APBB2: variants seen among roughly 807,000 people sequenced by gnomAD.
APBB2 encodes the protein Fe65-like 1.
In APBB2, 38 loss-of-function variants were observed where a neutral mutation model predicts 82.5. The observed-to-expected ratio is 0.46, with a 90% CI of 0.36 to 0.60. The LOEUF is 0.60. Ranked by LOEUF, APBB2 falls within the 20% of genes least tolerant of loss-of-function variation. APBB2 has a pLI of 0.00. For missense variants in APBB2, 772 were observed against 972.3 expected, an observed-to-expected ratio of 0.79 and a Z score of 2.74; for synonymous variants, 341 against 368.2, an observed-to-expected ratio of 0.93 and a Z score of 0.85.
chr4:40,965,715 A>C (rs1424057353), intron 6 of APBB2, among the ~76,000 whole-genome samples: 1 of 152,154 alleles, frequency 6.6e-6, no homozygotes, highest in Non-Finnish European at 1.5e-5. Flanking sequence ...GATGTGGCTC[A>C]CATTGTATTT....
intron 10 of APBB2, among the ~76,000 whole-genome samples, chr4:40,894,455 T>TG (rs1773090302): frequency 6.6e-6 from 1 of 152,176 alleles, no homozygotes; most frequent in African/African-American, 2.4e-5. Flanking sequence ...GGAGACAGAA[T>TG]GAATTAACTG....
intron 12 of APBB2, among the ~76,000 whole-genome samples, chr4:40,863,907 A>AAAAAAAAAAAAAAAAAC: frequency 6.7e-6 from 1 of 149,982 alleles, no homozygotes; most frequent in Non-Finnish European, 1.5e-5. Flanking sequence ...AAAAAAAAAA[A>AAAAAAAAAAAAAAAAAC]AAAAAAAAAG....
At chr4:40,849,865 T>C (rs756934686) in intron 12 of APBB2, among the ~76,000 whole-genome samples, 7 of 143,640 alleles carry the variant, frequency 4.9e-5, no homozygotes, top group Non-Finnish European at 7.5e-5. Flanking sequence ...GTAGCTGAGA[T>C]TACTCGGCGC....
At chr4:41,059,015 C>T (rs1728799675) in intron 4 of APBB2, among the ~76,000 whole-genome samples, 1 of 151,952 alleles carries the variant, frequency 6.6e-6, no homozygotes, top group Admixed American at 6.6e-5. Context: ...ATGAGACAGG[C>T]TTAGTGTGTA....
chr4:40,958,563 A>G lies in APBB2; in HGVS notation c.836-13490T>C, dbSNP rs563221666. On this transcript the variant is annotated intron_variant, in intron 6 of 17. Coordinates refer to ENST00000508593, the MANE Select transcript of APBB2 (RefSeq NM_004307.2). ...TGAAAGGAGAATGGGTGTAGGTGAGAATGGTCTTGAAATCAGCAATTTTTG... is the reference window on the plus strand; with the variant it reads ...TGAAAGGAGAATGGGTGTAGGTGAGGATGGTCTTGAAATCAGCAATTTTTG... Among the ~76,000 whole-genome samples, 7 of 152,230 alleles carry G rather than the reference A, an allele frequency of 4.6e-5. No individual in the cohort carries two copies. In the East Asian group the frequency reaches 1.4e-3, roughly 29 times the overall value.
intron 5 of APBB2, among the ~76,000 whole-genome samples, chr4:41,024,690 C>T (rs992946980): frequency 1.3e-5 from 2 of 152,196 alleles, no homozygotes; most frequent in African/African-American, 4.8e-5. Flanking sequence ...ATGAGTAAAA[C>T]TTATGAGTTT....
intron 4 of APBB2, among the ~76,000 whole-genome samples, chr4:41,036,299 T>C (rs1719137317): frequency 6.6e-6 from 1 of 152,192 alleles, no homozygotes; most frequent in Non-Finnish European, 1.5e-5. Context: ...CCCCCTCAAA[T>C]ACCGAGGGAT....
At chr4:41,026,065 T>A (rs990445567) in intron 5 of APBB2, among the ~76,000 whole-genome samples, 6 of 151,868 alleles carry the variant, frequency 4.0e-5, no homozygotes, top group African/African-American at 1.5e-4. Context: ...GAGCTGGAGA[T>A]TATTATCCTT....
At chr4:40,866,781 G>C (rs1454049850) in intron 12 of APBB2, among the ~76,000 whole-genome samples, 1 of 152,022 alleles carries the variant, frequency 6.6e-6, no homozygotes, top group African/African-American at 2.4e-5. Context: ...GCAGTGGTAC[G>C]ATCTCTACTC....
At chr4:40,889,236 G>C (rs1481959336) in intron 12 of APBB2, among the ~76,000 whole-genome samples, 1 of 152,210 alleles carries the variant, frequency 6.6e-6, no homozygotes, top group African/African-American at 2.4e-5. Context: ...CTCATGTCTG[G>C]TTCTAGCATA....
chr4:40,895,996 T>C (rs1239563150), intron 10 of APBB2, among the ~76,000 whole-genome samples: 1 of 152,172 alleles, frequency 6.6e-6, no homozygotes, highest in South Asian at 2.1e-4. Flanking sequence ...GAGATTTTTG[T>C]TGGGGGACAA....
At position 40,982,447 on chromosome 4, in the gene APBB2, AAGAAAGAATGAAT is replaced by A. The variant is rs1799304465; in HGVS notation, c.835+31123_835+31135del. ...AAAGAAAGAAAGAAAGAAAGAAAGA[AAGAAAGAATGAAT>A]GAATTTGAGACCAGAGACCAGCCTG... On this transcript the variant is annotated intron_variant, in intron 6 of 17. Coordinates refer to ENST00000508593, the MANE Select transcript of APBB2 (RefSeq NM_004307.2). Among the ~76,000 whole-genome samples, 3 of 140,020 alleles carry A rather than the reference AAGAAAGAATGAAT, an allele frequency of 2.1e-5. 1 individual carries two copies. The highest frequency in any genetic ancestry group is 8.0e-5 in the African/African-American group (3 of 37,358). 91.9% of individuals were successfully genotyped at this position (140,020 alleles called of 152,430 possible).
intron 1 of APBB2, among the ~76,000 whole-genome samples, chr4:41,146,586 G>A (rs997895374): frequency 6.6e-6 from 1 of 152,180 alleles, no homozygotes; most frequent in Admixed American, 6.5e-5. Context: ...CTTGGAGTAA[G>A]AGCAGGCTTT....
chr4:41,152,635 G>A (rs1762564904), intron 1 of APBB2, among the ~76,000 whole-genome samples: 1 of 152,148 alleles, frequency 6.6e-6, no homozygotes, highest in Admixed American at 6.6e-5. Context: ...GCCTTCACTT[G>A]TTTCTGATGA....
intron 4 of APBB2, among the ~76,000 whole-genome samples, chr4:41,049,354 C>T (rs529003012): frequency 0.039 from 3,306 of 84,700 alleles, 426 homozygotes; most frequent in African/African-American, 0.14. Flanking sequence ...GACCGGCAGC[C>T]GCCCCGTCCG....
At chr4:40,970,990 T>C (rs1578851844) in intron 6 of APBB2, among the ~76,000 whole-genome samples, 1 of 152,230 alleles carries the variant, frequency 6.6e-6, no homozygotes, top group East Asian at 1.9e-4. Context: ...CCCTTCTGAC[T>C]GTGCCATTTA....
chr4:41,058,743 G>A (rs1202795206), intron 4 of APBB2, among the ~76,000 whole-genome samples: 1 of 152,128 alleles, frequency 6.6e-6, no homozygotes, highest in East Asian at 1.9e-4. Flanking sequence ...ATTGCAATTT[G>A]GTGACAAAAA....
At chr4:40,949,904 G>T (rs1348764187) in intron 6 of APBB2, among the ~76,000 whole-genome samples, 1 of 152,116 alleles carries the variant, frequency 6.6e-6, no homozygotes, top group Non-Finnish European at 1.5e-5. Context: ...CTCCGCCCTG[G>T]AGAATGTTTT....
chr4:40,826,006 G>C lies in APBB2; in HGVS notation c.1733-36C>G, dbSNP rs760345010. ...CAAAAGCAACACATCTTTCTCAGTG[G>C]TTCCAACACACATGTACACAACAGC... is the stretch of plus-strand genomic sequence containing the variant. On this transcript the variant is annotated intron_variant, in intron 14 of 17. Coordinates refer to ENST00000508593, the MANE Select transcript of APBB2 (RefSeq NM_004307.2). This position sits in a 1 kb window ranked among gnomAD's most constrained non-coding sequence, Gnocchi z 4.5. 67 of 1,523,416 alleles carry C rather than the reference G, an allele frequency of 4.4e-5. No homozygotes were observed. Among genetic ancestry groups the C allele is most frequent in the Non-Finnish European group, 5.4e-5 (59 of 1,097,576 alleles). The allele number at this position is 1,523,416 out of a possible 1,614,324, so 94.4% of individuals were successfully genotyped here.
Sources: gnomAD v4.1 joint callset for allele counts (sites outside exome capture counted in the v4.1 genomes callset) on GRCh38, gnomAD v4.1.1 for gene constraint, Gnocchi (gnomAD v3.1) non-coding constraint, MANE v1.5 for transcripts, NCBI Gene and HGNC (gene_info 2026-07-23, HGNC 2026-07-21) for gene names.